Variants in PRKCH observed in about 807,000 individuals in gnomAD.
The protein encoded by PRKCH is protein kinase C eta type.
A neutral mutation model predicts 82.5 loss-of-function variants in PRKCH; 28 were observed. The observed-to-expected ratio is 0.34, with a 90% CI of 0.25 to 0.47. The LOEUF is 0.47. Among genes scored for constraint, PRKCH ranks in the 20% least tolerant of loss-of-function variants. The pLI, the probability that PRKCH is intolerant of heterozygous loss-of-function variation, is 1.00. For synonymous variants in PRKCH, 322 were observed against 327.4 expected (o/e 0.98, Z 0.18); for missense variants, 705 against 881.8 (o/e 0.80, Z 2.54).
chr14:61,421,195 A>T (rs1443705565), intron 2 of PRKCH, among the ~76,000 whole-genome samples: 2 of 151,936 alleles, frequency 1.3e-5, no homozygotes, highest in South Asian at 2.1e-4. Context: ...TGGTTCCCTT[A>T]TAAGTGACTG....
intron 1 of PRKCH, among the ~76,000 whole-genome samples, chr14:61,231,615 G>A (rs376669417): frequency 2.6e-5 from 4 of 152,082 alleles, no homozygotes; most frequent in Non-Finnish European, 4.4e-5. Context: ...CTTGTGATCC[G>A]CCCACCTCGG....
chr14:61,311,805 G>C (rs1197125347), intron 1 of PRKCH, among the ~76,000 whole-genome samples: 1 of 152,148 alleles, frequency 6.6e-6, no homozygotes, highest in Non-Finnish European at 1.5e-5. Context: ...TACCTTTAAT[G>C]GCAAAAACTG....
intron 1 of PRKCH, among the ~76,000 whole-genome samples, chr14:61,380,688 C>T (rs773471322): frequency 1.3e-5 from 2 of 152,160 alleles, no homozygotes; most frequent in Non-Finnish European, 2.9e-5. Flanking sequence ...AGGCATCCTT[C>T]ATTTAATTTA....
chr14:61,540,737 T>A (rs2043173077), intron 12 of PRKCH, among the ~76,000 whole-genome samples: 1 of 152,182 alleles, frequency 6.6e-6, no homozygotes, highest in African/African-American at 2.4e-5. Flanking sequence ...CTCAAACCAG[T>A]CTGGATACCT....
At chr14:61,360,985 G>C (rs2046217255) in intron 1 of PRKCH, 1 of 152,258 alleles carries the variant, frequency 6.6e-6, no homozygotes, top group African/African-American at 2.4e-5. Flanking sequence ...GCTACGCACG[G>C]AAAGTAGGGT....
intron 3 of PRKCH, 33 bp downstream of exon 3, chr14:61,443,294 A>AAG: frequency 6.3e-7 from 1 of 1,595,956 alleles, no homozygotes; most frequent in East Asian, 2.2e-5. Context: ...TCCTCCTCAG[A>AAG]GCTTCCATCT....
chr14:61,470,214 G>A lies in PRKCH; in HGVS notation c.1278+12535G>A, dbSNP rs540874474. Among the ~76,000 whole-genome samples the A allele has an allele frequency of 3.3e-5, 5 of 152,072 alleles. No homozygotes were observed. In the South Asian group the frequency reaches 1.0e-3, roughly 32 times the overall value. On this transcript the variant is annotated intron_variant, in intron 9 of 13. Transcript: ENST00000332981. ...GCTCGAGTCCTTGGTCCTTGGTACT[G>A]TCTCTGGTTAGTGGTGGGTTCTGGG...
chr14:61,199,592 T>A (rs1311296458), intron 1 of PRKCH, among the ~76,000 whole-genome samples: 3 of 150,948 alleles, frequency 2.0e-5, no homozygotes, highest in African/African-American at 7.3e-5. Flanking sequence ...GAGCAGCAAC[T>A]ATGCTTGCTT....
chr14:61,216,212 T>C (rs922200376), intron 1 of PRKCH, among the ~76,000 whole-genome samples: 34 of 152,136 alleles, frequency 2.2e-4, no homozygotes, highest in African/African-American at 7.5e-4. Flanking sequence ...TGCCTGTAAA[T>C]CCCAGCACTT....
chr14:61,211,492 A>C (rs1156851528), intron 1 of PRKCH, among the ~76,000 whole-genome samples: 2 of 152,192 alleles, frequency 1.3e-5, no homozygotes, highest in African/African-American at 4.8e-5. Flanking sequence ...AGTGCCAAGA[A>C]AGTTCTGTTA....
chr14:61,397,081 A>G (rs563028886), intron 2 of PRKCH, among the ~76,000 whole-genome samples: 5 of 152,318 alleles, frequency 3.3e-5, no homozygotes, highest in East Asian at 1.9e-4. Context: ...GTGGAGAACC[A>G]TTATAGAGAC....
chr14:61,253,800 T>C (rs540485509), intron 1 of PRKCH, among the ~76,000 whole-genome samples: 1 of 152,310 alleles, frequency 6.6e-6, no homozygotes, highest in East Asian at 1.9e-4. Flanking sequence ...TTGGTTGTAG[T>C]GTCCACTGCA....
chr14:61,293,501 A>G (rs973498021), intron 1 of PRKCH, among the ~76,000 whole-genome samples: 1 of 152,226 alleles, frequency 6.6e-6, no homozygotes, highest in Non-Finnish European at 1.5e-5. Flanking sequence ...TCGCAGCACT[A>G]AAATGACAGC....
chr14:61,515,171 AG>A (rs1325482919), intron 10 of PRKCH, among the ~76,000 whole-genome samples: 1 of 152,156 alleles, frequency 6.6e-6, no homozygotes, highest in Non-Finnish European at 1.5e-5. Flanking sequence ...ATAGACAGGG[AG>A]GGGGTGAAGA....
At chr14:61,218,888 GTCCTTGC>G (rs1268702755) in intron 1 of PRKCH, among the ~76,000 whole-genome samples, 1 of 152,184 alleles carries the variant, frequency 6.6e-6, no homozygotes, top group Non-Finnish European at 1.5e-5. Flanking sequence ...ATCAAGAGAT[GTCCTTGC>G]TCAATATTAA....
intron 1 of PRKCH, among the ~76,000 whole-genome samples, chr14:61,250,766 G>A (rs186177993): frequency 4.6e-5 from 7 of 152,206 alleles, no homozygotes; most frequent in African/African-American, 1.2e-4. Flanking sequence ...TAGGTTCATC[G>A]ATTGTAACAA....
chr14:61,237,015 AC>A (rs754233150), intron 1 of PRKCH, among the ~76,000 whole-genome samples: 4 of 152,140 alleles, frequency 2.6e-5, no homozygotes, highest in African/African-American at 4.8e-5. Flanking sequence ...ACTTGCTTCC[AC>A]TTTACCCTAT....
At chr14:61,229,006 TAAC>T (rs1407219897) in intron 1 of PRKCH, among the ~76,000 whole-genome samples, 17 of 152,140 alleles carry the variant, frequency 1.1e-4, no homozygotes, top group Admixed American at 1.1e-3. Context: ...TTACAGTATG[TAAC>T]AACAAGCCAT....
Position 61,313,531 on chromosome 14 carries a change from G to A in PRKCH, c.-19+125863G>A, listed in dbSNP as rs538570255. Among the ~76,000 whole-genome samples the A allele has an allele frequency of 2.3e-4, 35 of 152,020 alleles. No homozygotes were observed. The East Asian group carries it at 6.4e-3, about 28-fold the overall frequency. On this transcript the variant is annotated intron_variant, in intron 1 of 3. Coordinates refer to the PRKCH transcript ENST00000555185. Reference sequence around the variant, plus strand: ...GGAATACAGTAGTGTAATCATGGTCGGTGATCAGCCTCAACCTCCTAGACT... The same window carrying A: ...GGAATACAGTAGTGTAATCATGGTCAGTGATCAGCCTCAACCTCCTAGACT...
Sources: allele counts gnomAD v4.1 joint callset (sites outside exome capture counted in the v4.1 genomes callset), GRCh38; gene constraint gnomAD v4.1.1; transcripts MANE v1.5; gene names NCBI Gene and HGNC (gene_info 2026-07-23, HGNC 2026-07-21).